ANKRD30A: variants seen among roughly 807,000 people sequenced by gnomAD.
ANKRD30A encodes the protein ankyrin repeat domain 30A, also known as ankyrin repeat domain-containing protein 30A.
In ANKRD30A, 170 loss-of-function variants were observed where a neutral mutation model predicts 166.3. That is an observed-to-expected ratio of 1.02 (90% CI 0.90 to 1.16). ANKRD30A has a LOEUF of 1.16. ANKRD30A is among the 50% of genes most tolerant of loss of function. The pLI is 0.00. For synonymous variants in ANKRD30A, 564 were observed against 508.9 expected, an observed-to-expected ratio of 1.11 and a Z score of -1.46; for missense variants, 1,630 against 1,518.0, an observed-to-expected ratio of 1.07 and a Z score of -1.23.
intron 27 of ANKRD30A, 25 bp downstream of exon 27, chr10:37,193,283 C>T: frequency 2.5e-6 from 4 of 1,595,872 alleles, no homozygotes; most frequent in Non-Finnish European, 3.4e-6. Flanking sequence ...TTTAATTTTA[C>T]TCTGGAAAGA....
intron 25 of ANKRD30A, among the ~76,000 whole-genome samples, chr10:37,191,860 T>C (rs565802101): frequency 1.3e-4 from 20 of 151,928 alleles, no homozygotes; most frequent in Non-Finnish European, 2.9e-4. Flanking sequence ...CCGGGCGTGG[T>C]GGTGGGTGCC....
chr10:37,157,551 A>G (rs180941075), intron 13 of ANKRD30A, among the ~76,000 whole-genome samples: 8 of 152,172 alleles, frequency 5.3e-5, no homozygotes, highest in South Asian at 4.1e-4. Context: ...ATTTTAGTGG[A>G]GACAGTGTTT....
downstream of ANKRD30A, among the ~76,000 whole-genome samples, chr10:37,234,326 T>C (rs1299486910): frequency 6.6e-6 from 1 of 152,166 alleles, no homozygotes; most frequent in Non-Finnish European, 1.5e-5. Context: ...TATTATAAAA[T>C]TCAAAAATTA....
the ANKRD30A span, among the ~76,000 whole-genome samples, chr10:37,239,967 C>T: frequency 6.6e-6 from 1 of 151,948 alleles, no homozygotes; most frequent in Non-Finnish European, 1.5e-5. Flanking sequence ...GAAAATACCA[C>T]TAGAACAGGA....
intron 5 of ANKRD30A, among the ~76,000 whole-genome samples, chr10:37,135,871 T>A (rs188362647): frequency 1.6e-3 from 237 of 152,272 alleles, no homozygotes; most frequent in African/African-American, 5.5e-3. Flanking sequence ...CCACAAAGAA[T>A]AGAACATCTA....
At chr10:37,247,715 C>A in the ANKRD30A span, among the ~76,000 whole-genome samples, 26 of 133,456 alleles carry the variant, frequency 1.9e-4, no homozygotes, top group Admixed American at 3.0e-4. Context: ...ACTAAAAATA[C>A]AAAAAAAAAA....
the ANKRD30A span, among the ~76,000 whole-genome samples, chr10:37,254,114 GA>G: frequency 6.6e-6 from 1 of 152,172 alleles, no homozygotes; most frequent in Non-Finnish European, 1.5e-5. Flanking sequence ...TGTGAATAAT[GA>G]AAAATGCTAT....
the ANKRD30A span, among the ~76,000 whole-genome samples, chr10:37,265,106 A>G: frequency 3.3e-5 from 5 of 152,046 alleles, no homozygotes; most frequent in Non-Finnish European, 7.4e-5. Context: ...AGCATCTCTC[A>G]TTGTTCCGTC....
intron 31 of ANKRD30A, among the ~76,000 whole-genome samples, chr10:37,214,906 T>C (rs1382458455): frequency 1.3e-5 from 2 of 151,474 alleles, no homozygotes; most frequent in African/African-American, 4.8e-5. Context: ...CCTACCTGTT[T>C]GGAGACTTAT....
the ANKRD30A span, among the ~76,000 whole-genome samples, chr10:37,260,728 G>A: frequency 2.0e-5 from 3 of 152,100 alleles, no homozygotes; most frequent in Non-Finnish European, 2.9e-5. Flanking sequence ...GCTACTGGTT[G>A]GAAATTTGGA....
At position 37,179,041 on chromosome 10, in the gene ANKRD30A, TATATATATATATATATATATATAG is replaced by T. The variant is rs1440983279; in HGVS notation, c.2421+2826_2421+2849del. ...ATATATATATATATATATATATATA[TATATATATATATATATATATATAG>T]ATGTGTGCATGTATGTATGTTTTTG... On this transcript the variant is annotated intron_variant, in intron 24 of 35. Coordinates refer to ENST00000361713, the MANE Select transcript of ANKRD30A (RefSeq NM_052997.3). Among the ~76,000 whole-genome samples, 15 of 97,254 alleles carry T rather than the reference TATATATATATATATATATATATAG, an allele frequency of 1.5e-4. No individual in the cohort carries two copies. In the East Asian group the frequency reaches 1.6e-3, roughly 10 times the overall value. The allele number at this position is 97,254 out of a possible 152,430, so 63.8% of individuals were successfully genotyped here. A position where few individuals can be genotyped will look rare whatever the true frequency, so the allele number is the denominator to read the frequency against.
chr10:37,255,006 G>T, the ANKRD30A span, among the ~76,000 whole-genome samples: 1 of 151,886 alleles, frequency 6.6e-6, no homozygotes, highest in Admixed American at 6.6e-5. Flanking sequence ...TCTTTGTTAT[G>T]TCCTTTGAAG....
rs200101337 is a variant in ANKRD30A, at chr10:37,130,363, C to T, written c.495C>T (p.Ile165=). ...VAKLLSHGAV[I]EVHNKASLTP... is the part of the protein sequence containing the mutation. ...AACTGCTGTCCCATGGTGCAGTCAT[C>T]GAAGTGCACAACAAGGTAGACACTA... The change falls in exon 3 of 36, where the codon ATC becomes ATT. Residue 165 remains isoleucine, a synonymous_variant. Coordinates refer to ENST00000361713, the MANE Select transcript of ANKRD30A (RefSeq NM_052997.3). 7.9e-6 allele frequency: 12 copies of T among 1,516,286 alleles called. No individual in the cohort carries two copies. The highest frequency in any genetic ancestry group is 4.0e-5 in the South Asian group (3 of 74,604). 93.9% of individuals were successfully genotyped at this position (1,516,286 alleles called of 1,614,324 possible).
chr10:37,249,666 A>G, the ANKRD30A span, among the ~76,000 whole-genome samples: 12 of 152,182 alleles, frequency 7.9e-5, no homozygotes, highest in Non-Finnish European at 1.5e-4. Flanking sequence ...CAAAACTATT[A>G]ATGAAACTAA....
intron 31 of ANKRD30A, among the ~76,000 whole-genome samples, chr10:37,212,601 C>T (rs1229928669): frequency 6.6e-6 from 1 of 152,036 alleles, no homozygotes; most frequent in African/African-American, 2.4e-5. Context: ...AGGCATCACG[C>T]TACCTGACTT....
Position 37,158,410 on chromosome 10 carries a change from G to A in ANKRD30A, c.1817G>A (p.Gly606Asp). ...CTTATAGAGTCTCCTAATAAAGATG[G>A]TCTTCTGAAGGTAATAACTTTTATA... is the stretch of plus-strand genomic sequence containing the variant. ...GKLEESPNKD[G>D]LLKATCGMKV... is the part of the protein sequence containing the mutation. The change falls in exon 14 of 36, where the codon GGT (glycine) becomes GAT (aspartate). Residue 606 changes from glycine to aspartate, a missense_variant. Around this residue, in one of 4 missense-constraint regions of ANKRD30A, gnomAD observed 904 missense variants for 818.5 expected, o/e 1.10. Transcript: ENST00000361713. 6.2e-7 allele frequency: 1 copy of A among 1,610,832 alleles called. No homozygotes were observed. Among genetic ancestry groups the A allele is most frequent in the African/African-American group, 1.3e-5 (1 of 74,844 alleles).
chr10:37,195,709 A>C (rs556684093), intron 27 of ANKRD30A, among the ~76,000 whole-genome samples: 1 of 152,294 alleles, frequency 6.6e-6, no homozygotes, highest in African/African-American at 2.4e-5. Context: ...CCTGACTAAC[A>C]CAGTGAAACC....
rs1842781867 is a variant in ANKRD30A, at chr10:37,219,554, CA to C, written c.3843del (p.Glu1282AsnfsTer14). 3.7e-6 allele frequency: 6 copies of C among 1,610,212 alleles called. No individual in the cohort carries two copies. Among genetic ancestry groups the C allele is most frequent in the Non-Finnish European group, 5.1e-6 (6 of 1,177,640 alleles). ...GDALRENTLV[S>X]EHAQRDQRET... ...GCTCTAAGAGAAAATACATTGGTTT[CA>C]GAACATGCACAAAGAGACCAACGTG... is the stretch of plus-strand genomic sequence containing the variant. On this transcript the variant is annotated frameshift_variant, in exon 34 of 36. Transcript: ENST00000361713. LOFTEE classifies it high-confidence loss of function.
intron 8 of ANKRD30A, among the ~76,000 whole-genome samples, chr10:37,146,917 C>T (rs1467364379): frequency 6.6e-6 from 1 of 152,172 alleles, no homozygotes; most frequent in Non-Finnish European, 1.5e-5. Flanking sequence ...ATGCAAACTT[C>T]TCGGCCTTCC....
Sources: gnomAD v4.1 joint callset for allele counts (sites outside exome capture counted in the v4.1 genomes callset) on GRCh38, gnomAD v4.1.1 for gene constraint, gnomAD v4.1.1 regional missense constraint, MANE v1.5 for transcripts, NCBI Gene and HGNC (gene_info 2026-07-23, HGNC 2026-07-21) for gene names.